SOBP: variants seen among roughly 807,000 people sequenced by gnomAD.
SOBP encodes the protein sine oculis binding protein homolog.
SOBP carries 4 observed loss-of-function variants against 53.6 expected under a neutral mutation model. That is an observed-to-expected ratio of 0.07 (90% CI 0.04 to 0.17). SOBP has a LOEUF of 0.17. Ranked by LOEUF, SOBP falls within the 10% of genes least tolerant of loss-of-function variation. The pLI is 1.00. For synonymous variants in SOBP, 584 were observed against 522.6 expected (o/e 1.12, Z -1.60); for missense variants, 1,088 against 1,204.7 (o/e 0.90, Z 1.43).
At chr6:107,507,024 C>G (rs1783014922) in intron 3 of SOBP, among the ~76,000 whole-genome samples, 2 of 151,462 alleles carry the variant, frequency 1.3e-5, no homozygotes, top group Admixed American at 1.3e-4. Flanking sequence ...CGAGATCACG[C>G]CACTGCACTC....
rs980705314 is a variant in SOBP, at chr6:107,660,582, C to G, written c.*2379C>G. Among the ~76,000 whole-genome samples, 1 of 152,192 alleles carries G rather than the reference C, an allele frequency of 6.6e-6. No homozygotes were observed. Among genetic ancestry groups the G allele is most frequent in the Non-Finnish European group, 1.5e-5 (1 of 68,042 alleles). On this transcript the variant is annotated 3_prime_UTR_variant, in exon 7 of 7. Coordinates refer to ENST00000317357, the MANE Select transcript of SOBP (RefSeq NM_018013.4). ...ACTCACATCCACACACCATCTCACC[C>G]CACTGACTAGAGAGACTTTTATTTC...
At chr6:107,640,860 C>T (rs751229875) in intron 6 of SOBP, among the ~76,000 whole-genome samples, 1 of 152,196 alleles carries the variant, frequency 6.6e-6, no homozygotes, top group Non-Finnish European at 1.5e-5. Context: ...TTTGAGGAGG[C>T]ACCCACTCAG....
In SOBP at chr6:107,633,389, A is replaced by G; in HGVS notation, c.670-125A>G. 5 of 1,214,596 alleles carry G rather than the reference A, an allele frequency of 4.1e-6. No homozygotes were observed. The South Asian group carries it at 5.0e-5, about 12-fold the overall frequency. The allele number at this position is 1,214,596 out of a possible 1,614,324, so 75.2% of individuals were successfully genotyped here. A position where few individuals can be genotyped will look rare whatever the true frequency, so the allele number is the denominator to read the frequency against. On this transcript the variant is annotated intron_variant, in intron 5 of 6. Transcript: ENST00000317357. ...TCAGAATTTTACCTTTTAGAAGGAA[A>G]CAGTTCTGCCTGTTTGAGAAGTGCT...
chr6:107,609,405 A>G (rs1339937146), intron 5 of SOBP, among the ~76,000 whole-genome samples: 3 of 152,212 alleles, frequency 2.0e-5, no homozygotes, highest in Admixed American at 6.5e-5. Flanking sequence ...AATAGCCCTT[A>G]TAGACAAGAA....
chr6:107,503,545 G>T, intron 1 of SOBP, 112 bp from the exon 2 acceptor site: 1 of 1,178,356 alleles, frequency 8.5e-7, no homozygotes, highest in Admixed American at 1.7e-5. Flanking sequence ...ACTAGGGGAA[G>T]TGAGGCAGGG....
intron 4 of SOBP, among the ~76,000 whole-genome samples, chr6:107,549,733 C>T (rs1784411181): frequency 6.6e-6 from 1 of 151,950 alleles, no homozygotes; most frequent in African/African-American, 2.4e-5. Flanking sequence ...TGTTCCATGG[C>T]CTAGATATTT....
intron 5 of SOBP, among the ~76,000 whole-genome samples, chr6:107,602,541 A>G (rs1362287474): frequency 6.9e-6 from 1 of 145,924 alleles, no homozygotes; most frequent in African/African-American, 2.6e-5. Context: ...AGGAGCGCTA[A>G]GCCTCTGCAT....
Position 107,502,793 on chromosome 6 carries a change from C to T in SOBP, c.97-864C>T, listed in dbSNP as rs541853497. Among the ~76,000 whole-genome samples the T allele has an allele frequency of 6.6e-5, 10 of 152,226 alleles. No individual in the cohort carries two copies. The South Asian group carries it at 1.7e-3, about 25-fold the overall frequency. On this transcript the variant is annotated intron_variant, in intron 1 of 6. Transcript: ENST00000317357. ...AAAATTTTTTTGAGATGGAGGCTTG[C>T]CCTGTTGCCCAGGCTGGAGTGCAGT...
At chr6:107,619,528 T>G (rs1295682507) in intron 5 of SOBP, among the ~76,000 whole-genome samples, 1 of 152,024 alleles carries the variant, frequency 6.6e-6, no homozygotes, top group Non-Finnish European at 1.5e-5. Context: ...CATTTATTGG[T>G]GGATCTAGTG....
chr6:107,531,916 G>A (rs1783834148), intron 3 of SOBP, among the ~76,000 whole-genome samples: 1 of 151,986 alleles, frequency 6.6e-6, no homozygotes, highest in Non-Finnish European at 1.5e-5. Flanking sequence ...TACTCAGGGG[G>A]AAAAAAGCCA....
At chr6:107,559,467 TAAACTAAGA>T (rs1356034241) in intron 4 of SOBP, among the ~76,000 whole-genome samples, 1 of 152,140 alleles carries the variant, frequency 6.6e-6, no homozygotes, top group East Asian at 1.9e-4. Flanking sequence ...GAAATTTATT[TAAACTAAGA>T]AAACAATAGA....
chr6:107,492,352 A>T (rs551035716), intron 1 of SOBP, among the ~76,000 whole-genome samples: 16 of 152,268 alleles, frequency 1.1e-4, no homozygotes, highest in African/African-American at 3.9e-4. Context: ...AGCCACTAGG[A>T]AATCACAAGG....
intron 5 of SOBP, among the ~76,000 whole-genome samples, chr6:107,602,982 A>T (rs976771320): frequency 2.0e-5 from 3 of 152,090 alleles, no homozygotes; most frequent in African/African-American, 7.2e-5. Context: ...CAAAAAAAAA[A>T]AACCCTGCTT....
chr6:107,507,721 CCCCTGAAAATT>C, intron 3 of SOBP, among the ~76,000 whole-genome samples: 1 of 152,110 alleles, frequency 6.6e-6, no homozygotes, highest in Non-Finnish European at 1.5e-5. Flanking sequence ...AGGTTGGACA[CCCCTGAAAATT>C]ACATATCTTC....
intron 4 of SOBP, among the ~76,000 whole-genome samples, chr6:107,534,043 C>G (rs1257255354): frequency 6.6e-6 from 1 of 152,200 alleles, no homozygotes; most frequent in Non-Finnish European, 1.5e-5. Context: ...TGCTATTGCT[C>G]TTTTCAAAAT....
At chr6:107,519,387 T>C (rs1783415870) in intron 3 of SOBP, among the ~76,000 whole-genome samples, 1 of 152,092 alleles carries the variant, frequency 6.6e-6, no homozygotes, top group African/African-American at 2.4e-5. Context: ...TCCACAGTGA[T>C]GACAGGTCTG....
At chr6:107,584,518 C>T (rs1317372745) in intron 4 of SOBP, among the ~76,000 whole-genome samples, 1 of 152,156 alleles carries the variant, frequency 6.6e-6, no homozygotes, top group Non-Finnish European at 1.5e-5. Flanking sequence ...AGTGGAAACA[C>T]AGCAAATGGC....
chr6:107,634,841 A>G lies in SOBP; in HGVS notation c.1997A>G (p.Asn666Ser). ...GTGGGCCACCGAGCCCGGCTGCACA[A>G]CGTGATCCACCGCGCGCTGCACGCG... ...LTVGHRARLHNVIHRALHAHV... is the reference protein window; with the variant it reads ...LTVGHRARLHSVIHRALHAHV... Residue 666 changes from asparagine (N) to serine (S), a missense_variant, in exon 6 of 7, where the codon AAC becomes AGC. Around this residue, in one of 6 missense-constraint regions of SOBP, gnomAD observed 665 missense variants for 629.7 expected, o/e 1.06. Transcript: ENST00000317357. The surrounding 1 kb of genome is among the most constrained non-coding windows in gnomAD (Gnocchi z 4.5). 1 of 1,401,968 alleles carries G rather than the reference A, an allele frequency of 7.1e-7. No individual in the cohort carries two copies. Among genetic ancestry groups the G allele is most frequent in the South Asian group, 1.4e-5 (1 of 71,198 alleles). The allele number at this position is 1,401,968 out of a possible 1,614,324, so 86.8% of individuals were successfully genotyped here. A position where few individuals can be genotyped will look rare whatever the true frequency, so the allele number is the denominator to read the frequency against.
At chr6:107,606,147 G>A (rs1342408894) in intron 5 of SOBP, among the ~76,000 whole-genome samples, 1 of 136,920 alleles carries the variant, frequency 7.3e-6, no homozygotes, top group Non-Finnish European at 1.5e-5. Flanking sequence ...CGCGATCTCG[G>A]CTCACTGCAG....
Sources: allele counts gnomAD v4.1 joint callset (sites outside exome capture counted in the v4.1 genomes callset), GRCh38; gene constraint gnomAD v4.1.1; regional missense constraint gnomAD v4.1.1; non-coding constraint Gnocchi (gnomAD v3.1); transcripts MANE v1.5; gene names NCBI Gene and HGNC (gene_info 2026-07-23, HGNC 2026-07-21).